ANTXR1: variants seen among roughly 807,000 people sequenced by gnomAD.
ANTXR1 encodes ANTXR cell adhesion molecule 1.
Under a neutral mutation model 78.1 loss-of-function variants are expected in ANTXR1, and 19 were observed. The observed-to-expected ratio is 0.24, with a 90% CI of 0.17 to 0.36. The LOEUF is 0.36. Ranked by LOEUF, ANTXR1 falls within the 10% of genes least tolerant of loss-of-function variation. The pLI, the probability that ANTXR1 is intolerant of heterozygous loss-of-function variation, is 1.00. For missense variants in ANTXR1, 518 were observed against 718.6 expected, an observed-to-expected ratio of 0.72 and a Z score of 3.19; for synonymous variants, 273 against 260.5, an observed-to-expected ratio of 1.05 and a Z score of -0.46.
chr2:69,058,732 GCCATA>G (rs1670144895), intron 3 of ANTXR1, among the ~76,000 whole-genome samples: 1 of 152,202 alleles, frequency 6.6e-6, no homozygotes, highest in Admixed American at 6.5e-5. Flanking sequence ...GTCTATAGCT[GCCATA>G]CATAGTGATT....
At chr2:69,240,771 T>C (rs1377853246) in intron 17 of ANTXR1, among the ~76,000 whole-genome samples, 1 of 152,198 alleles carries the variant, frequency 6.6e-6, no homozygotes, top group Non-Finnish European at 1.5e-5. Context: ...TTACTGGCTG[T>C]GTAGTCTCGA....
At position 69,245,839 on chromosome 2, in the gene ANTXR1, T is replaced by C. The variant is rs1173903741; in HGVS notation, c.*354T>C. 4 of 227,938 alleles carry C rather than the reference T, an allele frequency of 1.8e-5. No homozygotes were observed. The highest frequency in any genetic ancestry group is 1.4e-4 in the South Asian group (2 of 14,188). The allele number at this position is 227,938 out of a possible 1,614,324, so 14.1% of individuals were successfully genotyped here. ...GTGAAATGCAGAGTTGGATAAGAAA[T>C]ACATTGCTGGGTTTCTAAAATGCTG... On this transcript the variant is annotated 3_prime_UTR_variant, in exon 18 of 18. Coordinates refer to ENST00000303714, the MANE Select transcript of ANTXR1 (RefSeq NM_032208.3).
intron 13 of ANTXR1, among the ~76,000 whole-genome samples, chr2:69,164,367 T>C (rs955357419): frequency 6.6e-6 from 1 of 152,240 alleles, no homozygotes; most frequent in African/African-American, 2.4e-5. Context: ...CAGAATTGAA[T>C]CTTGTAACAT....
chr2:69,080,177 G>A (rs1445271681), intron 8 of ANTXR1, among the ~76,000 whole-genome samples: 4 of 152,092 alleles, frequency 2.6e-5, no homozygotes, highest in African/African-American at 7.2e-5. Context: ...TTGTTCATTC[G>A]TTTGCTTGGA....
At position 69,013,793 on chromosome 2, in the gene ANTXR1, G is replaced by A. The variant is rs1670941181; in HGVS notation, c.152+142G>A. The A allele has an allele frequency of 1.4e-6, 2 of 1,405,726 alleles. No individual in the cohort carries two copies. Among genetic ancestry groups the A allele is most frequent in the Admixed American group, 2.0e-5 (1 of 49,964 alleles). The allele number at this position is 1,405,726 out of a possible 1,614,324, so 87.1% of individuals were successfully genotyped here. Reference sequence around the variant, plus strand: ...GAGGGACCGCGCGGCAGGCGGCGGCGGAGTGCTGCGCCTTTGTTGGGGCGC... The same window carrying A: ...GAGGGACCGCGCGGCAGGCGGCGGCAGAGTGCTGCGCCTTTGTTGGGGCGC... On this transcript the variant is annotated intron_variant, in intron 1 of 17. Coordinates refer to ENST00000303714, the MANE Select transcript of ANTXR1 (RefSeq NM_032208.3). This position sits in a 1 kb window ranked among gnomAD's most constrained non-coding sequence, Gnocchi z 5.0.
At chr2:69,107,047 A>G (rs1671830782) in intron 10 of ANTXR1, among the ~76,000 whole-genome samples, 1 of 152,208 alleles carries the variant, frequency 6.6e-6, no homozygotes, top group African/African-American at 2.4e-5. Context: ...TGGATGGATT[A>G]AACAGTGTGA....
At position 69,248,980 on chromosome 2, in the gene ANTXR1, A is replaced by G. The variant is rs750520607; in HGVS notation, c.*3495A>G. On this transcript the variant is annotated 3_prime_UTR_variant, in exon 18 of 18. Transcript: ENST00000303714. The stretch of plus-strand genomic sequence containing the variant: ...TAGAATATGATTTTTAATACACTTA[A>G]CATTAAACTCTTCTAACTTTCTTCT... 1 of 152,194 alleles carries G rather than the reference A, an allele frequency of 6.6e-6. No homozygotes were observed. Among genetic ancestry groups the G allele is most frequent in the African/African-American group, 2.4e-5 (1 of 41,446 alleles). The allele number at this position is 152,194 out of a possible 1,614,324, so 9.4% of individuals were successfully genotyped here.
chr2:69,145,595 G>A lies in ANTXR1; in HGVS notation c.952-6574G>A, dbSNP rs184742335. 1.7e-4 allele frequency: 237 copies of A among 1,356,584 alleles called. 1 individual carries two copies. The African/African-American group carries it at 3.2e-3, about 18-fold the overall frequency. The allele number at this position is 1,356,584 out of a possible 1,614,324, so 84.0% of individuals were successfully genotyped here. Reference sequence around the variant, plus strand: ...AACAGTTTTCAAGACCTTACTGGAGGCACTTTATTGGCTACATAATCACTC... The same window carrying A: ...AACAGTTTTCAAGACCTTACTGGAGACACTTTATTGGCTACATAATCACTC... On this transcript the variant is annotated intron_variant, in intron 12 of 17. Coordinates refer to ENST00000303714, the MANE Select transcript of ANTXR1 (RefSeq NM_032208.3).
intron 16 of ANTXR1, among the ~76,000 whole-genome samples, chr2:69,187,425 G>T (rs1212515609): frequency 6.9e-6 from 1 of 145,568 alleles, no homozygotes; most frequent in Non-Finnish European, 1.5e-5. Flanking sequence ...ACCAAAAGAA[G>T]AAAAAAAAAA....
chr2:69,208,664 G>C (rs1192732310), intron 17 of ANTXR1, among the ~76,000 whole-genome samples: 1 of 152,240 alleles, frequency 6.6e-6, no homozygotes, highest in Admixed American at 6.5e-5. Context: ...CGCTGGTCCA[G>C]AGGACTGGTC....
intron 17 of ANTXR1, among the ~76,000 whole-genome samples, 199 bp from the exon 18 acceptor site, chr2:69,245,026 T>G (rs1283459570): frequency 6.6e-5 from 10 of 152,066 alleles, no homozygotes; most frequent in Non-Finnish European, 1.5e-4. Context: ...AAAAGATGAA[T>G]TTTAACAGTT....
chr2:69,022,321 T>C (rs1671215439), intron 1 of ANTXR1, among the ~76,000 whole-genome samples: 2 of 152,330 alleles, frequency 1.3e-5, no homozygotes, highest in South Asian at 4.1e-4. Flanking sequence ...GACTGTGGGA[T>C]GCTTTAGCAT....
chr2:69,133,732 C>T (rs576355311), intron 12 of ANTXR1, among the ~76,000 whole-genome samples: 1 of 152,242 alleles, frequency 6.6e-6, no homozygotes, highest in South Asian at 2.1e-4. Context: ...ATTGGGGCTA[C>T]AAGTGAATCA....
At chr2:69,085,305 G>A (rs866265814) in intron 8 of ANTXR1, among the ~76,000 whole-genome samples, 46 of 152,108 alleles carry the variant, frequency 3.0e-4, no homozygotes, top group African/African-American at 9.9e-4. Context: ...CAAAGCGGCC[G>A]ACCTAATACA....
chr2:69,091,316 C>G (rs1671228418), intron 9 of ANTXR1, among the ~76,000 whole-genome samples: 1 of 151,650 alleles, frequency 6.6e-6, no homozygotes, highest in South Asian at 2.1e-4. Flanking sequence ...TGGCGCTTGC[C>G]TATAATCCCA....
intron 4 of ANTXR1, 89 bp downstream of exon 4, chr2:69,070,817 A>C: frequency 8.2e-7 from 1 of 1,222,868 alleles, no homozygotes; most frequent in Non-Finnish European, 1.2e-6. Context: ...CACTTATATT[A>C]AGAGGGCTGA....
intron 3 of ANTXR1, among the ~76,000 whole-genome samples, chr2:69,066,314 G>A (rs1670398485): frequency 6.6e-6 from 1 of 151,308 alleles, no homozygotes; most frequent in Non-Finnish European, 1.5e-5. Context: ...TATTTTTTTA[G>A]AGACGGAGTT....
rs1553430424 is a variant in ANTXR1 at position 69,023,516 on chromosome 2, A to AAAT, written c.152+9865_152+9866insAAT. 4.8e-5 allele frequency among the ~76,000 whole-genome samples: 4 copies of AAAT among 83,750 alleles called. No individual in the cohort carries two copies. In the East Asian group the frequency reaches 4.1e-3, roughly 86 times the overall value. The allele number at this position is 83,750 out of a possible 152,430, so 54.9% of individuals were successfully genotyped here. ...GATATGGTGGTGGTGGTGGAGGTGG[A>AAAT]GATGATGATGATGATGATGATGATG... On this transcript the variant is annotated intron_variant, in intron 1 of 17. Transcript: ENST00000303714.
chr2:69,111,884 G>A (rs1671991780), intron 10 of ANTXR1, among the ~76,000 whole-genome samples: 1 of 152,188 alleles, frequency 6.6e-6, no homozygotes. Flanking sequence ...ACCCTAAGGA[G>A]ATCATTAAAG....
Sources: allele counts gnomAD v4.1 joint callset (sites outside exome capture counted in the v4.1 genomes callset), GRCh38; gene constraint gnomAD v4.1.1; non-coding constraint Gnocchi (gnomAD v3.1); transcripts MANE v1.5; gene names NCBI Gene and HGNC (gene_info 2026-07-23, HGNC 2026-07-21).